Variants in DHRS1 observed in about 807,000 individuals in gnomAD.
The protein encoded by DHRS1 is dehydrogenase/reductase SDR family member 1.
In DHRS1, 34 loss-of-function variants were observed where a neutral mutation model predicts 35.2. The ratio of observed to expected loss-of-function variants is 0.97; its 90% CI spans 0.74 to 1.29. The LOEUF (loss-of-function observed/expected upper bound fraction) is 1.29. Ranked by LOEUF, DHRS1 falls within the 50% of genes most tolerant of loss-of-function variation. The pLI, the probability that DHRS1 is intolerant of heterozygous loss-of-function variation, is 0.00. For synonymous variants in DHRS1, 133 were observed against 160.0 expected (o/e 0.83, Z 1.27); for missense variants, 354 against 403.6 (o/e 0.88, Z 1.05).
chr14:24,299,386 A>G (rs566597809), intron 1 of DHRS1, 195 bp downstream of exon 1: 21 of 334,186 alleles, frequency 6.3e-5, no homozygotes, highest in Admixed American at 2.7e-4. Context: ...CAACCCTCTG[A>G]GTGTGGCTGC....
At chr14:24,292,906 G>A in intron 4 of DHRS1, 122 bp from the exon 5 acceptor site, 3 of 1,327,392 alleles carry the variant, frequency 2.3e-6, no homozygotes, top group African/African-American at 1.5e-5. Flanking sequence ...TACACAGGGT[G>A]GGTTAGCGAC....
chr14:24,291,517 C>T, intron 7 of DHRS1, 39 bp downstream of exon 7: 4 of 1,606,346 alleles, frequency 2.5e-6, no homozygotes, highest in South Asian at 1.1e-5. Context: ...TACACATCCT[C>T]CATGCCCTTT....
chr14:24,295,689 G>A (rs972219169), intron 4 of DHRS1, among the ~76,000 whole-genome samples: 12 of 152,178 alleles, frequency 7.9e-5, no homozygotes, highest in Non-Finnish European at 1.3e-4. Context: ...AGCTCTTAAC[G>A]TGTCCCTTTC....
chr14:24,291,405 A>G, intron 7 of DHRS1, 151 bp downstream of exon 7: 1 of 1,070,340 alleles, frequency 9.3e-7, no homozygotes, highest in Non-Finnish European at 1.4e-6. Flanking sequence ...TCAGACCTCA[A>G]ACTGGGAATG....
At chr14:24,294,318 T>G (rs1167830485) in intron 4 of DHRS1, 1 of 152,104 alleles carries the variant, frequency 6.6e-6, no homozygotes, top group Non-Finnish European at 1.5e-5. Flanking sequence ...CTGAGTATGG[T>G]GGCTCATGCC....
chr14:24,291,711 GA>G, intron 6 of DHRS1, 86 bp from the exon 7 acceptor site: 1 of 1,413,510 alleles, frequency 7.1e-7, no homozygotes, highest in Non-Finnish European at 1.0e-6. Flanking sequence ...TGTTCCAGGA[GA>G]AAAAGACCAA....
At chr14:24,292,115 G>C in intron 6 of DHRS1, 69 bp downstream of exon 6, 1 of 1,592,812 alleles carries the variant, frequency 6.3e-7, no homozygotes, top group Non-Finnish European at 8.6e-7. Context: ...GGGAGTATCT[G>C]ATCTTGTTAT....
At chr14:24,297,017 G>GCGTTGCCT in intron 2 of DHRS1, 136 bp from the exon 3 acceptor site, 13 of 1,197,132 alleles carry the variant, frequency 1.1e-5, no homozygotes, top group Non-Finnish European at 1.3e-5. Flanking sequence ...CAACATGGCA[G>GCGTTGCCT]GCAACGCTGC....
chr14:24,291,419 A>G, intron 7 of DHRS1, 137 bp downstream of exon 7: 3 of 1,111,016 alleles, frequency 2.7e-6, no homozygotes, highest in Non-Finnish European at 4.1e-6. Flanking sequence ...GGGAATGCTG[A>G]CCCCTTGGGC....
intron 7 of DHRS1, 123 bp from the exon 8 acceptor site, chr14:24,291,342 C>T (rs1030856433): frequency 3.4e-6 from 4 of 1,178,684 alleles, no homozygotes; most frequent in Non-Finnish European, 3.8e-6. Context: ...AGAGCTCTTT[C>T]TCTTGGGCCT....
chr14:24,292,572 C>T, intron 5 of DHRS1, 80 bp downstream of exon 5: 1 of 1,609,924 alleles, frequency 6.2e-7, no homozygotes. Flanking sequence ...CCATTCTGAC[C>T]ACTGGGGATT....
At position 24,292,853 on chromosome 14, in the gene DHRS1, C is replaced by T. The variant is rs139849609; in HGVS notation, c.375-69G>A. 452 of 1,532,688 alleles carry T rather than the reference C, an allele frequency of 2.9e-4. 2 individuals carry two copies. In the East Asian group the frequency reaches 8.7e-3, roughly 30 times the overall value. The allele number at this position is 1,532,688 out of a possible 1,614,324, so 94.9% of individuals were successfully genotyped here. ...CTGGCCTGGGTGCCACAGCCTCTGG[C>T]GGCTTCCCCTGCCTTCTGGTGGTTG... is the stretch of plus-strand genomic sequence containing the variant. On this transcript the variant is annotated intron_variant, in intron 4 of 8. Coordinates refer to ENST00000288111, the MANE Select transcript of DHRS1 (RefSeq NM_001136050.3).
At position 24,290,971 on chromosome 14, in the gene DHRS1, GACAAAT is replaced by G; in HGVS notation, c.824_829del (p.Tyr275_Leu276del). 6.2e-7 allele frequency: 1 copy of G among 1,614,122 alleles called. No individual in the cohort carries two copies. Among genetic ancestry groups the G allele is most frequent in the Admixed American group, 1.7e-5 (1 of 60,008 alleles). On this transcript the variant is annotated inframe_deletion, in exon 9 of 9. Coordinates refer to ENST00000288111, the MANE Select transcript of DHRS1 (RefSeq NM_001136050.3). ...CACGTGTGAGAGAACAGAGCTCAAA[GACAAAT>G]AGTCTTGGACGGGGCGGCCTGGGAA...
chr14:24,292,911 A>G (rs966529676), intron 4 of DHRS1, 127 bp from the exon 5 acceptor site: 2 of 1,241,180 alleles, frequency 1.6e-6, no homozygotes, highest in Admixed American at 3.3e-5. Context: ...AGGGTGGGTT[A>G]GCGACCTGAG....
rs528798550 is a variant in DHRS1 at position 24,296,832 on chromosome 14, T to C, written c.200A>G (p.Gln67Arg). ...AAACAGGCTTCGCACTTCACTCTCC[T>C]GGCTTGAATCGCACACCACAGGCAC... Reference protein sequence around the residue: ...QCVPVVCDSSQESEVRSLFEQ... With the variant: ...QCVPVVCDSSRESEVRSLFEQ... The change falls in exon 3 of 9, where the codon CAG becomes CGG. Residue 67 changes from glutamine to arginine, a missense_variant. Gln to Arg is a conservative substitution (Grantham distance 43). Transcript: ENST00000288111. 5 of 1,614,240 alleles carry C rather than the reference T, an allele frequency of 3.1e-6. No individual in the cohort carries two copies. The Admixed American group carries it at 8.3e-5, about 27-fold the overall frequency.
At position 24,296,446 on chromosome 14, in the gene DHRS1, G is replaced by A. The variant is rs1287225042; in HGVS notation, c.374+63C>T. ...GAAAAGGAGAGGGCATGTAAGGAAAGGCCTGGCCGTCGAGTTGGCTAAGTG... is the reference window on the plus strand; with the variant it reads ...GAAAAGGAGAGGGCATGTAAGGAAAAGCCTGGCCGTCGAGTTGGCTAAGTG... On this transcript the variant is annotated intron_variant, in intron 4 of 8. Coordinates refer to ENST00000288111, the MANE Select transcript of DHRS1 (RefSeq NM_001136050.3). The A allele has an allele frequency of 5.3e-6, 8 of 1,518,768 alleles. No homozygotes were observed. In the East Asian group the frequency reaches 1.6e-4, roughly 30 times the overall value. The allele number at this position is 1,518,768 out of a possible 1,614,324, so 94.1% of individuals were successfully genotyped here.
At chr14:24,294,834 C>T (rs1405011679) in intron 4 of DHRS1, among the ~76,000 whole-genome samples, 1 of 151,954 alleles carries the variant, frequency 6.6e-6, no homozygotes, top group East Asian at 1.9e-4. Context: ...GAATTAAAAC[C>T]CCTTTATATA....
At position 24,292,739 on chromosome 14, in the gene DHRS1, T is replaced by G; in HGVS notation, c.420A>C (p.Pro140=). Residue 140 remains proline (P), a synonymous_variant, in exon 5 of 9, where the codon CCA becomes CCC. Coordinates refer to ENST00000288111, the MANE Select transcript of DHRS1 (RefSeq NM_001136050.3). ...TGACCACGATGAGCCCCTGGCCAGCTGGTACCATCAGCCGTGCCCCATACA... is the reference window on the plus strand; with the variant it reads ...TGACCACGATGAGCCCCTGGCCAGCGGGTACCATCAGCCGTGCCCCATACA... ...CSVYGARLMV[P]AGQGLIVVIS... The G allele has an allele frequency of 6.2e-7, 1 of 1,614,212 alleles. No homozygotes were observed. Among genetic ancestry groups the G allele is most frequent in the Non-Finnish European group, 8.5e-7 (1 of 1,180,024 alleles).
chr14:24,292,817 C>G (rs374967928), intron 4 of DHRS1, 33 bp from the exon 5 acceptor site: 3 of 1,603,210 alleles, frequency 1.9e-6, no homozygotes. Flanking sequence ...AAGGAATGAA[C>G]CGTGTTAGTG....
Sources: gnomAD v4.1 joint callset for allele counts (sites outside exome capture counted in the v4.1 genomes callset) on GRCh38, gnomAD v4.1.1 for gene constraint, MANE v1.5 for transcripts, NCBI Gene and HGNC (gene_info 2026-07-23, HGNC 2026-07-21) for gene names.